LIMK1: variants seen among roughly 807,000 people sequenced by gnomAD.
LIMK1 encodes the protein LIM domain kinase 1.
Under a neutral mutation model 77.6 loss-of-function variants are expected in LIMK1, and 21 were observed. The ratio of observed to expected loss-of-function variants is 0.27; its 90% CI spans 0.19 to 0.39. The LOEUF is 0.39. Ranked by LOEUF, LIMK1 falls within the 10% of genes least tolerant of loss-of-function variation. The pLI is 1.00. For missense variants in LIMK1, 696 were observed against 901.6 expected, an observed-to-expected ratio of 0.77 and a Z score of 2.92; for synonymous variants, 358 against 370.0, an observed-to-expected ratio of 0.97 and a Z score of 0.37.
rs533392969 is a variant in LIMK1, at chr7:74,107,558, C to A, written c.1066-313C>A. On this transcript the variant is annotated intron_variant, in intron 8 of 15. Transcript: ENST00000336180. ...ATTAATTGGGTATAGTGGTGCATGC[C>A]TGTGGTCCCAGCTACTTGGGAGGCT... 5.3e-5 allele frequency among the ~76,000 whole-genome samples: 8 copies of A among 152,090 alleles called. No homozygotes were observed. The South Asian group carries it at 1.7e-3, about 32-fold the overall frequency.
At chr7:74,087,640 G>A (rs1799157654) in intron 2 of LIMK1, among the ~76,000 whole-genome samples, 2 of 151,528 alleles carry the variant, frequency 1.3e-5, no homozygotes, top group South Asian at 4.2e-4. Flanking sequence ...CCCAGGCTGG[G>A]GAGCAGTGGC....
At chr7:74,096,564 C>T in intron 2 of LIMK1, 58 bp from the exon 3 acceptor site, 1 of 1,607,668 alleles carries the variant, frequency 6.2e-7, no homozygotes, top group Non-Finnish European at 8.5e-7. Context: ...GAGGCAGGGG[C>T]CCAGGTGAGG....
At chr7:74,093,106 GCCT>G (rs1799269109) in intron 2 of LIMK1, 2 of 1,410,310 alleles carry the variant, frequency 1.4e-6, no homozygotes, top group Admixed American at 2.9e-5. Flanking sequence ...CGCGGCTGCA[GCCT>G]CCTCCTGTGC....
In LIMK1 at chr7:74,105,942, A is replaced by G; in HGVS notation, c.676A>G (p.Ile226Val). The G allele has an allele frequency of 6.2e-7, 1 of 1,614,124 alleles. No homozygotes were observed. Among genetic ancestry groups the G allele is most frequent in the Non-Finnish European group, 8.5e-7 (1 of 1,180,026 alleles). Residue 226 changes from isoleucine (I) to valine (V), a missense_variant, in exon 6 of 16, where the codon ATC (isoleucine) becomes GTC (valine). This residue lies in a region of LIMK1 where 438 missense variants were observed against 602.3 expected (regional missense o/e 0.73). Coordinates refer to ENST00000336180, the MANE Select transcript of LIMK1 (RefSeq NM_002314.4). ...CCACGTCGGAGACCGGATCTTGGAA[A>G]TCAATGGCACGCCCATCCGAAATGT... The part of the protein sequence containing the change: ...SIHVGDRILE[I>V]NGTPIRNVPL...
intron 7 of LIMK1, 102 bp downstream of exon 7, chr7:74,106,345 C>A: frequency 7.4e-7 from 1 of 1,360,152 alleles, no homozygotes; most frequent in Non-Finnish European, 1.0e-6. Flanking sequence ...ACAAATGCAG[C>A]CCAGGCTTGA....
Position 74,090,458 on chromosome 7 carries a change from TC to T in LIMK1, c.152+4617del, listed in dbSNP as rs553386959. Among the ~76,000 whole-genome samples, 948 of 152,052 alleles carry T rather than the reference TC, an allele frequency of 6.2e-3. 7 individuals are homozygous for T. Among genetic ancestry groups the T allele is most frequent in the Non-Finnish European group, 8.9e-3 (604 of 67,990 alleles). On this transcript the variant is annotated intron_variant, in intron 2 of 15. Coordinates refer to ENST00000336180, the MANE Select transcript of LIMK1 (RefSeq NM_002314.4). ...ACCTCGTGGCTTGTGGGTGTGATAC[TC>T]CCAACAGTCCCCAAAGCTGGTGGTC...
chr7:74,118,850 A>G (rs1799873858), intron 13 of LIMK1, among the ~76,000 whole-genome samples: 1 of 152,164 alleles, frequency 6.6e-6, no homozygotes, highest in Non-Finnish European at 1.5e-5. Flanking sequence ...AGTAAATGAG[A>G]ATTGACATTT....
At position 74,099,180 on chromosome 7, in the gene LIMK1, C is replaced by A. The variant is rs782321094; in HGVS notation, c.550C>A (p.Pro184Thr). 6 of 1,612,090 alleles carry A rather than the reference C, an allele frequency of 3.7e-6. No homozygotes were observed. Among genetic ancestry groups the A allele is most frequent in the African/African-American group, 2.7e-5 (2 of 74,904 alleles). ...GKRGLSVSID[P>T]PHGPPGCGTE... ...GCGTGGACTTTCAGTCTCCATTGAC[C>A]CCCCGCACGGCCCACCGGGCTGTGG... The change falls in exon 5 of 16, where the codon CCC (proline) becomes ACC (threonine). Residue 184 changes from proline (P) to threonine (T), a missense_variant. Pro to Thr is a conservative substitution (Grantham distance 38, BLOSUM62 -1). This residue lies in a region of LIMK1 where 252 missense variants were observed against 279.4 expected (regional missense o/e 0.90). Transcript: ENST00000336180.
intron 2 of LIMK1, among the ~76,000 whole-genome samples, chr7:74,090,680 C>T (rs1312487392): frequency 3.9e-5 from 6 of 152,194 alleles, no homozygotes; most frequent in Admixed American, 2.6e-4. Flanking sequence ...TGTTCCAGGG[C>T]CCCTCACCCC....
intron 2 of LIMK1, among the ~76,000 whole-genome samples, chr7:74,092,315 G>A (rs1356948155): frequency 1.3e-5 from 2 of 152,260 alleles, no homozygotes; most frequent in African/African-American, 4.8e-5. Flanking sequence ...AGCTGCTCCT[G>A]TCCCCTGGCC....
In LIMK1 at chr7:74,099,126, G is replaced by A; in HGVS notation, c.496G>A (p.Val166Met). The A allele has an allele frequency of 1.2e-6, 2 of 1,613,738 alleles. No individual in the cohort carries two copies. The highest frequency in any genetic ancestry group is 8.5e-7 in the Non-Finnish European group (1 of 1,180,002). The change falls in exon 5 of 16, where the codon GTG (valine) becomes ATG (methionine). Residue 166 changes from valine (V) to methionine (M), a missense_variant. Physicochemically the swap from Val to Met is conservative, Grantham distance 21. This residue lies in a region of LIMK1 where 252 missense variants were observed against 279.4 expected (regional missense o/e 0.90). Transcript: ENST00000336180. ...GSHLPHTVTLVSIPASSHGKR... is the reference protein window; with the variant it reads ...GSHLPHTVTLMSIPASSHGKR... ...CCACCTGCCCCACACCGTCACCCTGGTGTCCATCCCAGCCTCATCTCATGG... is the reference window on the plus strand; with the variant it reads ...CCACCTGCCCCACACCGTCACCCTGATGTCCATCCCAGCCTCATCTCATGG...
At chr7:74,106,886 A>G in intron 7 of LIMK1, 124 bp from the exon 8 acceptor site, 1 of 1,012,452 alleles carries the variant, frequency 9.9e-7, no homozygotes, top group Non-Finnish European at 1.4e-6. Flanking sequence ...GGCCCTCCCA[A>G]AGCAGGGGGT....
chr7:74,120,347 G>C (rs1403283607), intron 13 of LIMK1, among the ~76,000 whole-genome samples: 1 of 152,198 alleles, frequency 6.6e-6, no homozygotes, highest in South Asian at 2.1e-4. Context: ...TCGGTGCCTC[G>C]AACTCCTTGT....
chr7:74,087,440 TG>T (rs1799155002), intron 2 of LIMK1, among the ~76,000 whole-genome samples: 1 of 151,932 alleles, frequency 6.6e-6, no homozygotes, highest in Non-Finnish European at 1.5e-5. Context: ...ACAAATGGTG[TG>T]GGAGAGAATT....
chr7:74,099,045 T>C lies in LIMK1; in HGVS notation c.415T>C (p.Tyr139His). Residue 139 changes from tyrosine (Y) to histidine (H), a missense_variant, in exon 5 of 16, where the codon TAC becomes CAC. This residue lies in a region of LIMK1 where 252 missense variants were observed against 279.4 expected (regional missense o/e 0.90). Coordinates refer to ENST00000336180, the MANE Select transcript of LIMK1 (RefSeq NM_002314.4). ...CGGCTCTTGCAGCGGGCACTGCTAC[T>C]ACCAGACTGTGGTGACCCCCGTCAT... ...HSKLYCGHCY[Y>H]QTVVTPVIEQ... is the part of the protein sequence containing the mutation. 1 of 1,611,822 alleles carries C rather than the reference T, an allele frequency of 6.2e-7. No homozygotes were observed. Among genetic ancestry groups the C allele is most frequent in the Non-Finnish European group, 8.5e-7 (1 of 1,179,866 alleles).
chr7:74,095,558 G>A (rs1012922309), intron 2 of LIMK1, among the ~76,000 whole-genome samples: 18 of 152,104 alleles, frequency 1.2e-4, no homozygotes, highest in African/African-American at 1.7e-4. Context: ...AGGACCCACT[G>A]TATCCTGGCT....
At position 74,083,968 on chromosome 7, in the gene LIMK1, G is replaced by C. The variant is rs2115598384; in HGVS notation, c.-23G>C. Reference sequence around the variant, plus strand: ...GGCCGCCCCCAGCCCCAGCCCCGCCGGGCCCCGCCCCCCGTCGAGTGCATG... The same window carrying C: ...GGCCGCCCCCAGCCCCAGCCCCGCCCGGCCCCGCCCCCCGTCGAGTGCATG... On this transcript the variant is annotated 5_prime_UTR_variant, in exon 1 of 16. Transcript: ENST00000336180. The C allele has an allele frequency of 8.3e-7, 1 of 1,205,670 alleles. No individual in the cohort carries two copies. The highest frequency in any genetic ancestry group is 1.1e-6 in the Non-Finnish European group (1 of 924,654). The allele number at this position is 1,205,670 out of a possible 1,614,324, so 74.7% of individuals were successfully genotyped here. A position where few individuals can be genotyped will look rare whatever the true frequency, so the allele number is the denominator to read the frequency against.
chr7:74,118,231 G>A (rs1554699914), intron 13 of LIMK1, among the ~76,000 whole-genome samples: 20 of 150,362 alleles, frequency 1.3e-4, no homozygotes, highest in Non-Finnish European at 3.0e-4. Flanking sequence ...AAAAAAATTA[G>A]CTGGGCGTGG....
In LIMK1 at chr7:74,097,013, A is replaced by C. The variant is rs1236533640; in HGVS notation, c.292-67A>C. On this transcript the variant is annotated intron_variant, in intron 3 of 15. Transcript: ENST00000336180. ...TTGGTGACACCCTTGGAAGAGGCCT[A>C]GGGGAGGATCTGTGGGGGTTGTTGG... The C allele has an allele frequency of 5.4e-6, 7 of 1,287,976 alleles. No homozygotes were observed. In the African/African-American group the frequency reaches 1.0e-4, roughly 19 times the overall value. 79.8% of individuals were successfully genotyped at this position (1,287,976 alleles called of 1,614,324 possible).
Sources: gnomAD v4.1 joint callset for allele counts (sites outside exome capture counted in the v4.1 genomes callset) on GRCh38, gnomAD v4.1.1 for gene constraint, gnomAD v4.1.1 regional missense constraint, MANE v1.5 for transcripts, NCBI Gene and HGNC (gene_info 2026-07-23, HGNC 2026-07-21) for gene names.